The following EIF2AK1 variants were observed in gnomAD, a reference collection of about 807,000 sequenced individuals.
EIF2AK1 encodes eukaryotic translation initiation factor 2-alpha kinase 1.
A neutral mutation model predicts 77.9 loss-of-function variants in EIF2AK1; 54 were observed. The observed-to-expected ratio is 0.69, with a 90% CI of 0.56 to 0.87. EIF2AK1 has a LOEUF of 0.87. EIF2AK1 is among the 40% of genes least tolerant of loss of function. EIF2AK1 has a pLI of 0.00. For missense variants in EIF2AK1, 810 were observed against 768.6 expected (o/e 1.05, Z -0.64); for synonymous variants, 314 against 290.5 (o/e 1.08, Z -0.82).
At position 6,059,117 on chromosome 7, in the gene EIF2AK1, C is replaced by G. The variant is rs1049331540; in HGVS notation, c.-34G>C. 2.3e-6 allele frequency: 3 copies of G among 1,323,154 alleles called. No homozygotes were observed. Among genetic ancestry groups the G allele is most frequent in the South Asian group, 3.5e-5 (2 of 56,496 alleles). The allele number at this position is 1,323,154 out of a possible 1,614,324, so 82.0% of individuals were successfully genotyped here. On this transcript the variant is annotated 5_prime_UTR_variant, in exon 1 of 15. Coordinates refer to ENST00000199389, the MANE Select transcript of EIF2AK1 (RefSeq NM_014413.4). ...GCGCGCGGGCCGCAGCCCAGCCCGC[C>G]GGCCAGCCCAGCACTGCCACACTCC...
rs1217302588 is a variant in EIF2AK1 at position 6,024,878 on chromosome 7, G to A, written c.1765-77C>T. The A allele has an allele frequency of 2.8e-5, 32 of 1,125,158 alleles. No individual in the cohort carries two copies. The East Asian group carries it at 4.4e-4, about 16-fold the overall frequency. 69.7% of individuals were successfully genotyped at this position (1,125,158 alleles called of 1,614,324 possible). Reference sequence around the variant, plus strand: ...TTTTGAGACAGAGTCTCGCTCTGTCGCCCAGGCTGGAGTACAGTGGCATGA... The same window carrying A: ...TTTTGAGACAGAGTCTCGCTCTGTCACCCAGGCTGGAGTACAGTGGCATGA... On this transcript the variant is annotated intron_variant, in intron 14 of 14. Coordinates refer to ENST00000199389, the MANE Select transcript of EIF2AK1 (RefSeq NM_014413.4).
At chr7:6,054,773 T>C (rs1333895266) in intron 1 of EIF2AK1, 69 bp from the exon 2 acceptor site, 6 of 1,378,742 alleles carry the variant, frequency 4.4e-6, no homozygotes, top group Middle Eastern at 2.4e-4. Context: ...AAACCGTATA[T>C]TCTAATTAAT....
intron 1 of EIF2AK1, 57 bp from the exon 2 acceptor site, chr7:6,054,761 CA>C: frequency 6.8e-7 from 1 of 1,476,946 alleles, no homozygotes; most frequent in Admixed American, 1.8e-5. Flanking sequence ...CTCATAATGA[CA>C]AAACCGTATA....
intron 7 of EIF2AK1, 64 bp from the exon 8 acceptor site, chr7:6,043,057 A>G (rs1788342261): frequency 1.3e-6 from 2 of 1,512,816 alleles, no homozygotes; most frequent in Non-Finnish European, 1.8e-6. Flanking sequence ...AGTCAAAGAC[A>G]GAGTTAAAAT....
At position 6,041,256 on chromosome 7, in the gene EIF2AK1, G is replaced by A. The variant is rs775626782; in HGVS notation, c.792-37C>T. On this transcript the variant is annotated intron_variant, in intron 8 of 14. Transcript: ENST00000199389. ...AAAAATAGTAAACATAAAAGTCAATGGGCCGAGCACAGTGGCTCATGCCTG... is the reference window on the plus strand; with the variant it reads ...AAAAATAGTAAACATAAAAGTCAATAGGCCGAGCACAGTGGCTCATGCCTG... 6 of 1,563,338 alleles carry A rather than the reference G, an allele frequency of 3.8e-6. No homozygotes were observed. In the African/African-American group the frequency reaches 5.5e-5, roughly 14 times the overall value.
At chr7:6,052,843 A>G (rs967214072) in intron 2 of EIF2AK1, among the ~76,000 whole-genome samples, 4 of 151,742 alleles carry the variant, frequency 2.6e-5, no homozygotes, top group Non-Finnish European at 5.9e-5. Flanking sequence ...GCACGTGCCT[A>G]CCCCAGCTAC....
chr7:6,046,279 T>G, intron 5 of EIF2AK1, 128 bp from the exon 6 acceptor site: 1 of 481,370 alleles, frequency 2.1e-6, no homozygotes, highest in Non-Finnish European at 3.6e-6. Context: ...AAGACATGTC[T>G]CCTTACTATG....
At chr7:6,029,724 T>G (rs1787848573) in intron 11 of EIF2AK1, among the ~76,000 whole-genome samples, 2 of 152,108 alleles carry the variant, frequency 1.3e-5, no homozygotes, top group Admixed American at 1.3e-4. Flanking sequence ...GGCTCACACC[T>G]GTAATCTCAG....
Position 6,033,916 on chromosome 7 carries a change from A to G in EIF2AK1, c.1332+3508T>C. 6.6e-6 allele frequency among the ~76,000 whole-genome samples: 1 copy of G among 152,112 alleles called. No individual in the cohort carries two copies. Among genetic ancestry groups the G allele is most frequent in the East Asian group, 1.9e-4 (1 of 5,162 alleles). ...TACTCTCCACTAGAAGGTAAGCCGC[A>G]TGAAAGAGAAGTTGACCTTGTGCAC... On this transcript the variant is annotated intron_variant, in intron 11 of 14. Transcript: ENST00000199389. The surrounding 1 kb of genome is among the most constrained non-coding windows in gnomAD (Gnocchi z 4.4).
intron 14 of EIF2AK1, among the ~76,000 whole-genome samples, chr7:6,025,547 G>A (rs1246183715): frequency 6.6e-6 from 1 of 152,220 alleles, no homozygotes; most frequent in Non-Finnish European, 1.5e-5. Flanking sequence ...ATTCAACCTA[G>A]TGCTTGATAC....
At chr7:6,031,745 G>C (rs1203608682) in intron 11 of EIF2AK1, among the ~76,000 whole-genome samples, 2 of 152,028 alleles carry the variant, frequency 1.3e-5, no homozygotes, top group Non-Finnish European at 2.9e-5. Context: ...GCTCCCCAAA[G>C]CCTGCAAAGC....
At chr7:6,030,710 T>C (rs968241840) in intron 11 of EIF2AK1, among the ~76,000 whole-genome samples, 9 of 152,114 alleles carry the variant, frequency 5.9e-5, no homozygotes, top group Admixed American at 2.0e-4. Context: ...TGTTGGCCAG[T>C]ATGGTCTTGA....
Position 6,049,936 on chromosome 7 carries a change from C to T in EIF2AK1, c.387G>A (p.Arg129=). Residue 129 remains arginine, a synonymous_variant, in exon 3 of 15, where the codon AGG becomes AGA. Transcript: ENST00000199389. ...CCTGACGAACTCTCTCTTTAGCAGA[C>T]CTCATTAAGTGAGTAATAGCTCTGT... The part of the protein sequence containing the change: ...HHNRAITHLM[R]SAKERVRQDP... 1 of 1,612,058 alleles carries T rather than the reference C, an allele frequency of 6.2e-7. No homozygotes were observed. The highest frequency in any genetic ancestry group is 2.2e-5 in the East Asian group (1 of 44,794).
intron 14 of EIF2AK1, among the ~76,000 whole-genome samples, chr7:6,026,029 A>G (rs1273549150): frequency 2.6e-5 from 4 of 151,576 alleles, no homozygotes; most frequent in Non-Finnish European, 5.9e-5. Flanking sequence ...TGTCCAGGGC[A>G]GCAGCTGCAG....
At position 6,023,446 on chromosome 7, in the gene EIF2AK1, G is replaced by A. The variant is rs1437317399; in HGVS notation, c.*1227C>T. 1.2e-6 allele frequency: 2 copies of A among 1,614,170 alleles called. No homozygotes were observed. The highest frequency in any genetic ancestry group is 1.7e-6 in the Non-Finnish European group (2 of 1,180,004). ...CCTTATAGATAGCTGGGTAGATATT[G>A]CGATTTTTCAGTTAAAAGAGGGAAG... On this transcript the variant is annotated 3_prime_UTR_variant, in exon 15 of 15. Coordinates refer to ENST00000199389, the MANE Select transcript of EIF2AK1 (RefSeq NM_014413.4).
At chr7:6,046,733 C>G in intron 5 of EIF2AK1, 1 of 292,736 alleles carries the variant, frequency 3.4e-6, no homozygotes, top group Non-Finnish European at 6.4e-6. Context: ...GAAACCCCGT[C>G]TCTATTAAAA....
chr7:6,030,303 C>T (rs1787869987), intron 11 of EIF2AK1, among the ~76,000 whole-genome samples: 1 of 152,114 alleles, frequency 6.6e-6, no homozygotes, highest in Non-Finnish European at 1.5e-5. Context: ...CCCTGTAGTC[C>T]TTGACCAGTG....
intron 8 of EIF2AK1, 27 bp downstream of exon 8, chr7:6,042,906 A>G: frequency 1.3e-6 from 2 of 1,590,196 alleles, no homozygotes; most frequent in Non-Finnish European, 1.7e-6. Flanking sequence ...GACAAGAGGT[A>G]ATGTCCTAAT....
intron 11 of EIF2AK1, among the ~76,000 whole-genome samples, chr7:6,030,539 G>A (rs189675498): frequency 2.6e-5 from 4 of 151,962 alleles, no homozygotes; most frequent in African/African-American, 7.2e-5. Context: ...TTGCTGTGTC[G>A]CCAGGCTGGA....
Sources: allele counts gnomAD v4.1 joint callset (sites outside exome capture counted in the v4.1 genomes callset), GRCh38; gene constraint gnomAD v4.1.1; non-coding constraint Gnocchi (gnomAD v3.1); transcripts MANE v1.5; gene names NCBI Gene and HGNC (gene_info 2026-07-23, HGNC 2026-07-21).